The following SLC36A1 variants were observed in gnomAD, a reference collection of about 807,000 sequenced individuals.
The protein encoded by SLC36A1 is proton-coupled amino acid transporter 1.
In SLC36A1, 30 loss-of-function variants were observed where a neutral mutation model predicts 47.5. The ratio of observed to expected loss-of-function variants is 0.63; its 90% CI spans 0.47 to 0.86. SLC36A1 has a LOEUF of 0.86. Ranked by LOEUF, SLC36A1 falls within the 40% of genes least tolerant of loss-of-function variation. The probability of loss-of-function intolerance (pLI) is 0.00; values close to 1 mark genes in which losing one functional copy is unlikely to be tolerated. For missense variants in SLC36A1, 517 were observed against 606.0 expected (o/e 0.85, Z 1.54); for synonymous variants, 255 against 249.7 (o/e 1.02, Z -0.20).
chr5:151,482,748 T>G (rs963099552), intron 10 of SLC36A1, among the ~76,000 whole-genome samples: 2 of 152,230 alleles, frequency 1.3e-5, no homozygotes, highest in African/African-American at 4.8e-5. Flanking sequence ...TCCCTTGTTT[T>G]CGTATTTTTT....
At chr5:151,407,629 C>T in the SLC36A1 span, among the ~76,000 whole-genome samples, 112 of 152,332 alleles carry the variant, frequency 7.4e-4, no homozygotes, top group East Asian at 0.019. Flanking sequence ...GAAGCCCAGC[C>T]GGCTTCACCT....
the SLC36A1 span, among the ~76,000 whole-genome samples, chr5:151,520,506 T>A: frequency 2.0e-5 from 3 of 152,212 alleles, no homozygotes; most frequent in Non-Finnish European, 4.4e-5. Flanking sequence ...ACACAGAGTG[T>A]GGCGTACAGC....
the SLC36A1 span, chr5:151,549,374 G>T: frequency 6.2e-7 from 1 of 1,613,920 alleles, no homozygotes; most frequent in Non-Finnish European, 8.5e-7. Flanking sequence ...GCTCTGTGCC[G>T]GGGGCTATGG....
At chr5:151,487,920 G>C in intron 10 of SLC36A1, 63 bp from the exon 11 acceptor site, 3 of 1,581,752 alleles carry the variant, frequency 1.9e-6, no homozygotes, top group Non-Finnish European at 1.7e-6. Context: ...TCGCTCAACA[G>C]TAGGGAGACA....
chr5:151,346,007 C>G, the SLC36A1 span, among the ~76,000 whole-genome samples: 1 of 152,222 alleles, frequency 6.6e-6, no homozygotes, highest in Non-Finnish European at 1.5e-5. Flanking sequence ...GAATTCGAGT[C>G]TGGGTGAGCC....
At chr5:151,546,308 C>T in the SLC36A1 span, 9 of 1,613,234 alleles carry the variant, frequency 5.6e-6, no homozygotes, top group Non-Finnish European at 7.6e-6. Context: ...CCTAGCAGGG[C>T]ATTGATGTTG....
the SLC36A1 span, among the ~76,000 whole-genome samples, chr5:151,407,072 T>G: frequency 6.6e-6 from 1 of 152,212 alleles, no homozygotes; most frequent in African/African-American, 2.4e-5. Context: ...ATGGTCTTGC[T>G]GACTTCAGGA....
chr5:151,531,035 C>T, the SLC36A1 span, among the ~76,000 whole-genome samples: 1 of 152,030 alleles, frequency 6.6e-6, no homozygotes, highest in Non-Finnish European at 1.5e-5. The surrounding 1 kb of genome is among the most constrained non-coding windows in gnomAD (Gnocchi z 5.7). Flanking sequence ...CCTCTGAGGC[C>T]CTTCGGTGAG....
At chr5:151,392,919 A>T in the SLC36A1 span, among the ~76,000 whole-genome samples, 6 of 151,606 alleles carry the variant, frequency 4.0e-5, no homozygotes, top group African/African-American at 1.2e-4. Context: ...CTATTAGGTC[A>T]GCTTGGTGCA....
At chr5:151,440,481 A>T (rs1752559703) in intron 1 of SLC36A1, among the ~76,000 whole-genome samples, 1 of 152,016 alleles carries the variant, frequency 6.6e-6, no homozygotes, top group African/African-American at 2.4e-5. Flanking sequence ...AAGGGGTCTC[A>T]AAAAGAGAGA....
the SLC36A1 span, chr5:151,550,659 A>G: frequency 1.2e-6 from 2 of 1,614,154 alleles, no homozygotes; most frequent in South Asian, 2.2e-5. Flanking sequence ...CCAGGACACC[A>G]CTGCTTGGGT....
chr5:151,393,054 T>A, the SLC36A1 span, among the ~76,000 whole-genome samples: 61 of 151,602 alleles, frequency 4.0e-4, no homozygotes, highest in African/African-American at 1.5e-3. Flanking sequence ...TTTGTAGGTC[T>A]CTAAGGACTT....
chr5:151,385,173 A>G, the SLC36A1 span, among the ~76,000 whole-genome samples: 1 of 152,140 alleles, frequency 6.6e-6, no homozygotes, highest in South Asian at 2.1e-4. Context: ...ATTAGCTGCC[A>G]CTATTTAAAA....
chr5:151,347,170 C>T, the SLC36A1 span: 1 of 1,188,036 alleles, frequency 8.4e-7, no homozygotes, highest in South Asian at 1.2e-5. Flanking sequence ...CATGACTGCA[C>T]CTTTTGCAAC....
chr5:151,364,153 T>C, the SLC36A1 span, among the ~76,000 whole-genome samples: 2 of 152,236 alleles, frequency 1.3e-5, no homozygotes, highest in Non-Finnish European at 2.9e-5. Flanking sequence ...ATGTGTGTTT[T>C]ATGGCAACGA....
chr5:151,485,808 T>C lies in SLC36A1; in HGVS notation c.1160-2175T>C, dbSNP rs201003506. 4.6e-5 allele frequency among the ~76,000 whole-genome samples: 7 copies of C among 152,350 alleles called. No individual in the cohort carries two copies. In the East Asian group the frequency reaches 7.7e-4, roughly 17 times the overall value. On this transcript the variant is annotated intron_variant, in intron 10 of 10. Transcript: ENST00000243389. ...CTGCAGTAATGGAAATGAATGGAAA[T>C]GTCCCATGTGTGTGCTGTCCATTGC...
chr5:151,545,309 T>A, the SLC36A1 span: 1 of 1,614,134 alleles, frequency 6.2e-7, no homozygotes, highest in South Asian at 1.1e-5. Context: ...GCCCTGATGG[T>A]GAGCTTCCGA....
chr5:151,448,384 T>G (rs1009654306), intron 1 of SLC36A1, among the ~76,000 whole-genome samples: 2 of 152,204 alleles, frequency 1.3e-5, no homozygotes, highest in African/African-American at 4.8e-5. Flanking sequence ...TTCTGTCCCT[T>G]TCTCTTTTAG....
At chr5:151,400,690 G>GT in the SLC36A1 span, among the ~76,000 whole-genome samples, 14 of 148,482 alleles carry the variant, frequency 9.4e-5, no homozygotes, top group Non-Finnish European at 1.8e-4. Flanking sequence ...GTTTTGTTTT[G>GT]TTTTTTTACT....
Sources: gnomAD v4.1 joint callset for allele counts (sites outside exome capture counted in the v4.1 genomes callset) on GRCh38, gnomAD v4.1.1 for gene constraint, Gnocchi (gnomAD v3.1) non-coding constraint, MANE v1.5 for transcripts, NCBI Gene and HGNC (gene_info 2026-07-23, HGNC 2026-07-21) for gene names.